EPHA6: variants seen among roughly 807,000 people sequenced by gnomAD.
The protein encoded by EPHA6 is ephrin type-A receptor 6.
In EPHA6, 50 loss-of-function variants were observed where a neutral mutation model predicts 112.0. The ratio of observed to expected loss-of-function variants is 0.45; its 90% CI spans 0.36 to 0.56. The LOEUF (loss-of-function observed/expected upper bound fraction) is 0.56. EPHA6 is among the 20% of genes least tolerant of loss of function. The pLI is 0.00. For missense variants in EPHA6, 1,280 were observed against 1,417.4 expected, an observed-to-expected ratio of 0.90 and a Z score of 1.56; for synonymous variants, 529 against 490.7, an observed-to-expected ratio of 1.08 and a Z score of -1.03.
chr3:97,023,231 A>G (rs2044522865), intron 3 of EPHA6, among the ~76,000 whole-genome samples: 2 of 152,048 alleles, frequency 1.3e-5, no homozygotes, highest in Admixed American at 1.3e-4. Flanking sequence ...GGCACATGCC[A>G]CCACACCTGG....
chr3:97,415,151 T>C (rs995632611), intron 6 of EPHA6, among the ~76,000 whole-genome samples: 2 of 151,964 alleles, frequency 1.3e-5, no homozygotes, highest in African/African-American at 4.8e-5. Context: ...TTGCTTTCAC[T>C]GAAAAATTAC....
Position 97,370,650 on chromosome 3 carries a change from T to A in EPHA6, c.1607-34500T>A, listed in dbSNP as rs533120024. Reference sequence around the variant, plus strand: ...TGGCTATAATATATTTAAGGTTTTTTATTTTATTCTATTTTATTGGCTTTA... The same window carrying A: ...TGGCTATAATATATTTAAGGTTTTTAATTTTATTCTATTTTATTGGCTTTA... On this transcript the variant is annotated intron_variant, in intron 5 of 17. Coordinates refer to ENST00000389672, the MANE Select transcript of EPHA6 (RefSeq NM_001080448.3). 2.6e-4 allele frequency among the ~76,000 whole-genome samples: 39 copies of A among 152,288 alleles called. 1 individual carries two copies. The highest frequency in any genetic ancestry group is 7.0e-4 in the African/African-American group (29 of 41,566).
At chr3:97,559,665 C>A (rs149307669) in intron 11 of EPHA6, 1 of 455,002 alleles carries the variant, frequency 2.2e-6, no homozygotes, top group Non-Finnish European at 4.4e-6. Context: ...AATCAAGGTA[C>A]CTGAAAAGCA....
intron 10 of EPHA6, among the ~76,000 whole-genome samples, chr3:97,516,472 T>C (rs1221564359): frequency 6.6e-6 from 1 of 152,214 alleles, no homozygotes; most frequent in East Asian, 1.9e-4. Flanking sequence ...AGGTATGCTA[T>C]ATATCAGGAA....
chr3:97,125,392 G>A (rs899725223), intron 3 of EPHA6, among the ~76,000 whole-genome samples: 6 of 152,060 alleles, frequency 3.9e-5, no homozygotes, highest in African/African-American at 9.7e-5. Context: ...ATGCTAATAG[G>A]AAATTTAAAT....
At chr3:97,377,695 G>A (rs1285414716) in intron 5 of EPHA6, among the ~76,000 whole-genome samples, 2 of 152,166 alleles carry the variant, frequency 1.3e-5, no homozygotes, top group African/African-American at 4.8e-5. Context: ...TTGGGAACTG[G>A]AGCAAAGGTG....
At chr3:97,058,086 CAGAG>C (rs1416027435) in intron 3 of EPHA6, among the ~76,000 whole-genome samples, 1 of 151,778 alleles carries the variant, frequency 6.6e-6, no homozygotes, top group African/African-American at 2.4e-5. Flanking sequence ...AAGACCATTG[CAGAG>C]AGAAATAGGT....
At chr3:97,173,893 G>A (rs2076763275) in intron 3 of EPHA6, among the ~76,000 whole-genome samples, 1 of 151,628 alleles carries the variant, frequency 6.6e-6, no homozygotes, top group South Asian at 2.1e-4. Flanking sequence ...AAACATTCCA[G>A]TTACATTATT....
intron 15 of EPHA6, among the ~76,000 whole-genome samples, chr3:97,731,800 C>T (rs1307100297): frequency 2.6e-5 from 4 of 151,994 alleles, no homozygotes; most frequent in African/African-American, 9.7e-5. Flanking sequence ...GAAAATTGAA[C>T]TCATCATCAC....
At chr3:97,123,763 T>C (rs1376898622) in intron 3 of EPHA6, among the ~76,000 whole-genome samples, 1 of 152,116 alleles carries the variant, frequency 6.6e-6, no homozygotes, top group East Asian at 1.9e-4. Flanking sequence ...AAGTTTTGCA[T>C]CTGGGGTGGC....
chr3:97,424,495 G>A (rs147204028), intron 6 of EPHA6, among the ~76,000 whole-genome samples: 42 of 152,190 alleles, frequency 2.8e-4, no homozygotes, highest in African/African-American at 8.9e-4. Flanking sequence ...TTCTGCCTAT[G>A]AGCGTGAAAA....
chr3:97,039,241 G>C (rs986282351), intron 3 of EPHA6, among the ~76,000 whole-genome samples: 2 of 152,070 alleles, frequency 1.3e-5, no homozygotes, highest in African/African-American at 4.8e-5. Flanking sequence ...AGACTAGAAA[G>C]AGGAAGTTAA....
At chr3:96,904,376 GT>G (rs1449711164) in intron 2 of EPHA6, among the ~76,000 whole-genome samples, 1 of 147,190 alleles carries the variant, frequency 6.8e-6, no homozygotes, top group African/African-American at 2.5e-5. Context: ...CAAACACCGC[GT>G]GTTGTCACTC....
intron 5 of EPHA6, among the ~76,000 whole-genome samples, chr3:97,318,902 A>T (rs1215909535): frequency 1.3e-5 from 2 of 151,950 alleles, no homozygotes; most frequent in African/African-American, 4.8e-5. Flanking sequence ...ATTGTTATTT[A>T]TGCAAGTTAT....
intron 14 of EPHA6, among the ~76,000 whole-genome samples, chr3:97,705,609 A>G (rs2033635520): frequency 1.3e-5 from 2 of 152,218 alleles, no homozygotes; most frequent in African/African-American, 4.8e-5. Context: ...CACACACTGA[A>G]TATTTGGCAG....
At chr3:97,237,625 C>T (rs1274964993) in intron 4 of EPHA6, among the ~76,000 whole-genome samples, 1 of 151,966 alleles carries the variant, frequency 6.6e-6, no homozygotes, top group East Asian at 1.9e-4. Context: ...TAATTTGAAA[C>T]AGAACATCCA....
intron 11 of EPHA6, among the ~76,000 whole-genome samples, chr3:97,533,161 T>C (rs971318087): frequency 7.2e-5 from 11 of 152,006 alleles, no homozygotes; most frequent in Non-Finnish European, 1.3e-4. Context: ...ATATTCACTT[T>C]CATTTGAAAA....
intron 10 of EPHA6, among the ~76,000 whole-genome samples, chr3:97,517,738 C>T (rs1250610895): frequency 2.0e-5 from 3 of 152,022 alleles, no homozygotes; most frequent in Non-Finnish European, 2.9e-5. Context: ...CAACACCTTC[C>T]CTTTCCCCAC....
intron 11 of EPHA6, among the ~76,000 whole-genome samples, chr3:97,571,841 A>G (rs1441029017): frequency 6.6e-6 from 1 of 152,262 alleles, no homozygotes; most frequent in Non-Finnish European, 1.5e-5. Flanking sequence ...AGCTTGCAGC[A>G]TTTATAAACA....
Sources: allele counts gnomAD v4.1 joint callset (sites outside exome capture counted in the v4.1 genomes callset), GRCh38; gene constraint gnomAD v4.1.1; transcripts MANE v1.5; gene names NCBI Gene and HGNC (gene_info 2026-07-23, HGNC 2026-07-21).